NCAN: variants seen among roughly 807,000 people sequenced by gnomAD.
The protein encoded by NCAN is neurocan.
Under a neutral mutation model 121.8 loss-of-function variants are expected in NCAN, and 47 were observed. That is an observed-to-expected ratio of 0.39 (90% CI 0.31 to 0.49). The LOEUF (loss-of-function observed/expected upper bound fraction) is 0.49, where lower values mean the gene tolerates loss of function less well. NCAN is among the 20% of genes least tolerant of loss of function. The pLI, the probability that NCAN is intolerant of heterozygous loss-of-function variation, is 0.92. For synonymous variants in NCAN, 633 were observed against 702.0 expected (o/e 0.90, Z 1.55); for missense variants, 1,517 against 1,773.4 (o/e 0.86, Z 2.60).
intron 11 of NCAN, among the ~76,000 whole-genome samples, chr19:19,240,320 G>C (rs992718160): frequency 6.6e-6 from 1 of 151,506 alleles, no homozygotes; most frequent in African/African-American, 2.4e-5. Context: ...CCACCTCCAG[G>C]CTGGGGAAGG....
In NCAN at chr19:19,228,392, G is replaced by A; in HGVS notation, c.2772G>A (p.Gly924=). 1 of 1,613,764 alleles carries A rather than the reference G, an allele frequency of 6.2e-7. No individual in the cohort carries two copies. The highest frequency in any genetic ancestry group is 8.5e-7 in the Non-Finnish European group (1 of 1,180,022). The change falls in exon 8 of 15, where the codon GGG becomes GGA. Residue 924 remains glycine (G), a synonymous_variant. Transcript: ENST00000252575. ...SVPPHQSSPL[G]KPAVPPGTPT... ...CTCCGCATCAGAGCAGTCCCCTAGGGAAACCGGCTGTTCCTCCTGGGACAC... is the reference window on the plus strand; with the variant it reads ...CTCCGCATCAGAGCAGTCCCCTAGGAAAACCGGCTGTTCCTCCTGGGACAC...
rs1002419776 is a variant in NCAN at position 19,212,068 on chromosome 19, G to C, written c.-8+4G>C. Reference sequence around the variant, plus strand: ...ATGCGTCCGAGCTAGGAGCCAGGTGGGGGATCCGTGAGGGGGCCGTGTTGC... The same window carrying C: ...ATGCGTCCGAGCTAGGAGCCAGGTGCGGGATCCGTGAGGGGGCCGTGTTGC... On this transcript the variant is annotated splice_donor_region_variant and intron_variant, in intron 1 of 14. Transcript: ENST00000252575. The surrounding 1 kb of genome is among the most constrained non-coding windows in gnomAD (Gnocchi z 4.5). 4.9e-6 allele frequency: 1 copy of C among 204,548 alleles called. No homozygotes were observed. Among genetic ancestry groups the C allele is most frequent in the African/African-American group, 2.4e-5 (1 of 41,836 alleles). 12.7% of individuals were successfully genotyped at this position (204,548 alleles called of 1,614,324 possible).
rs1216717769 is a variant in NCAN, at chr19:19,225,332, T to G, written c.1072+62T>G. On this transcript the variant is annotated intron_variant, in intron 6 of 14. Coordinates refer to ENST00000252575, the MANE Select transcript of NCAN (RefSeq NM_004386.3). This position sits in a 1 kb window ranked among gnomAD's most constrained non-coding sequence, Gnocchi z 4.0. ...TTCACTTTGGCGAAGGCCACGTCCC[T>G]GAAAGCCTCGCCAAGCCAAGGGAGA... The G allele has an allele frequency of 6.2e-6, 9 of 1,445,154 alleles. No individual in the cohort carries two copies. In the Middle Eastern group the frequency reaches 9.2e-4, roughly 147 times the overall value. The allele number at this position is 1,445,154 out of a possible 1,614,324, so 89.5% of individuals were successfully genotyped here.
At chr19:19,223,895 A>C in intron 3 of NCAN, 126 bp from the exon 4 acceptor site, 1 of 952,052 alleles carries the variant, frequency 1.1e-6, no homozygotes, top group Non-Finnish European at 1.4e-6. Context: ...CTCGACCCAC[A>C]CTGTGCCTGG....
intron 3 of NCAN, among the ~76,000 whole-genome samples, chr19:19,223,598 T>C (rs2060824526): frequency 6.6e-6 from 1 of 151,974 alleles, no homozygotes; most frequent in Non-Finnish European, 1.5e-5. Context: ...TCAGCCGCCC[T>C]AGTAGCTGGG....
At position 19,240,657 on chromosome 19, in the gene NCAN, A is replaced by C. The variant is rs755692070; in HGVS notation, c.3464A>C (p.Asp1155Ala). 49 of 1,613,922 alleles carry C rather than the reference A, an allele frequency of 3.0e-5. No individual in the cohort carries two copies. Among genetic ancestry groups the C allele is most frequent in the Non-Finnish European group, 2.6e-5 (31 of 1,180,028 alleles). ...CTGAACGACAGGATCGTGGAGAGAG[A>C]TTTCCAGTGGACGGACAACACCGGG... is the stretch of plus-strand genomic sequence containing the variant. ...IGLNDRIVER[D>A]FQWTDNTGLQ... Residue 1155 changes from aspartate (D) to alanine (A), a missense_variant, in exon 12 of 15, where the codon GAT (aspartate) becomes GCT (alanine). Physicochemically the swap from Asp to Ala is moderately radical, Grantham distance 126. Transcript: ENST00000252575.
intron 1 of NCAN, among the ~76,000 whole-genome samples, chr19:19,213,547 C>T (rs1212642496): frequency 6.8e-6 from 1 of 147,658 alleles, no homozygotes; most frequent in Non-Finnish European, 1.5e-5. Context: ...TGTCTTTGTG[C>T]AGAAGACACG....
intron 5 of NCAN, among the ~76,000 whole-genome samples, 160 bp downstream of exon 5, chr19:19,224,593 A>G (rs1391404921): frequency 6.6e-6 from 1 of 150,804 alleles, no homozygotes; most frequent in Non-Finnish European, 1.5e-5. Flanking sequence ...TGAGCTTTCC[A>G]TGCCTCCCTG....
rs774053112 is a variant in NCAN at position 19,219,046 on chromosome 19, G to A, written c.205G>A (p.Ala69Thr). 5.0e-6 allele frequency: 8 copies of A among 1,611,838 alleles called. No individual in the cohort carries two copies. The highest frequency in any genetic ancestry group is 2.2e-5 in the East Asian group (1 of 44,854). The change falls in exon 3 of 15, where the codon GCA becomes ACA. Residue 69 changes from alanine to threonine, a missense_variant. Coordinates refer to ENST00000252575, the MANE Select transcript of NCAN (RefSeq NM_004386.3). ...CTTTACCCTGCAGCCACGGCCAAGC[G>A]CAGCCCGAGATGCCCCTCGGATAAA... ...CLFTLQPRPS[A>T]ARDAPRIKWT...
chr19:19,226,690 A>C lies in NCAN; in HGVS notation c.1277A>C (p.Gln426Pro), dbSNP rs754935511. The C allele has an allele frequency of 1.2e-6, 2 of 1,613,358 alleles. No individual in the cohort carries two copies. Among genetic ancestry groups the C allele is most frequent in the Admixed American group, 3.3e-5 (2 of 60,000 alleles). ...ATTTTGGAGGAGAAGCAGGAGTCTC[A>C]ACAGACCCTCAGCCCTACCCCTGGG... ...TLILEEKQES[Q>P]QTLSPTPGDP... The change falls in exon 7 of 15, where the codon CAA becomes CCA. Residue 426 changes from glutamine to proline, a missense_variant. Physicochemically the swap from Gln to Pro is moderately conservative, Grantham distance 76. Coordinates refer to ENST00000252575, the MANE Select transcript of NCAN (RefSeq NM_004386.3).
chr19:19,222,053 C>T (rs2060818700), intron 3 of NCAN, among the ~76,000 whole-genome samples: 1 of 152,148 alleles, frequency 6.6e-6, no homozygotes, highest in South Asian at 2.1e-4. Context: ...TGACCTTGGG[C>T]AAGTCCCTGA....
chr19:19,224,618 C>T (rs1281466088), intron 5 of NCAN, among the ~76,000 whole-genome samples, 185 bp downstream of exon 5: 1 of 151,542 alleles, frequency 6.6e-6, no homozygotes, highest in African/African-American at 2.4e-5. Context: ...CCCCTCCCTC[C>T]CTTTGCCCCC....
At chr19:19,223,133 A>T (rs2060822849) in intron 3 of NCAN, among the ~76,000 whole-genome samples, 1 of 151,494 alleles carries the variant, frequency 6.6e-6, no homozygotes, top group Non-Finnish European at 1.5e-5. Flanking sequence ...TAAAATAAAT[A>T]AAATAAAAAA....
chr19:19,239,820 CA>C (rs1599821042), intron 11 of NCAN, among the ~76,000 whole-genome samples: 1 of 138,542 alleles, frequency 7.2e-6, no homozygotes, highest in Non-Finnish European at 1.6e-5. Context: ...TTCTCCTCCC[CA>C]TTCATCTCCC....
At position 19,244,348 on chromosome 19, in the gene NCAN, A is replaced by G. The variant is rs1221476621; in HGVS notation, c.3493-965A>G. Among the ~76,000 whole-genome samples, 4 of 132,622 alleles carry G rather than the reference A, an allele frequency of 3.0e-5. No homozygotes were observed. In the East Asian group the frequency reaches 8.9e-4, roughly 30 times the overall value. 87.0% of individuals were successfully genotyped at this position (132,622 alleles called of 152,430 possible). A position where few individuals can be genotyped will look rare whatever the true frequency, so the allele number is the denominator to read the frequency against. Reference sequence around the variant, plus strand: ...TTTTGAGATAGAATCTCACTCCATCACCCGGGCTGGAGTTCAGTGATGCAA... The same window carrying G: ...TTTTGAGATAGAATCTCACTCCATCGCCCGGGCTGGAGTTCAGTGATGCAA... On this transcript the variant is annotated intron_variant, in intron 12 of 14. Transcript: ENST00000252575.
chr19:19,231,293 C>G (rs2060858505), intron 8 of NCAN, among the ~76,000 whole-genome samples: 1 of 150,650 alleles, frequency 6.6e-6, no homozygotes, highest in East Asian at 2.0e-4. Flanking sequence ...AGTGTCAAGG[C>G]TGGGGTTTGA....
chr19:19,213,925 C>T lies in NCAN; in HGVS notation c.-8+1861C>T, dbSNP rs142646065. Reference sequence around the variant, plus strand: ...CTCAGGTCAGAAACACACACATGTGCGCACAGCCCCCTGCTGAGGGTCACT... The same window carrying T: ...CTCAGGTCAGAAACACACACATGTGTGCACAGCCCCCTGCTGAGGGTCACT... On this transcript the variant is annotated intron_variant, in intron 1 of 14. Transcript: ENST00000252575. Among the ~76,000 whole-genome samples the T allele has an allele frequency of 4.0e-3, 614 of 152,278 alleles. 4 individuals are homozygous for T. Among genetic ancestry groups the T allele is most frequent in the Middle Eastern group, 0.014 (4 of 294 alleles).
chr19:19,240,620 A>T lies in NCAN; in HGVS notation c.3427A>T (p.Thr1143Ser). 5.0e-6 allele frequency: 8 copies of T among 1,614,080 alleles called. No homozygotes were observed. The highest frequency in any genetic ancestry group is 1.3e-5 in the African/African-American group (1 of 75,070). The change falls in exon 12 of 15, where the codon ACG (threonine) becomes TCG (serine). Residue 1143 changes from threonine to serine, a missense_variant. Transcript: ENST00000252575. ...SFINSFGHEN[T>S]WIGLNDRIVE... ...CCCTGCAGGCTTTGGGCATGAAAAC[A>T]CGTGGATCGGCCTGAACGACAGGAT...
intron 3 of NCAN, among the ~76,000 whole-genome samples, chr19:19,220,450 CT>C (rs71170607): frequency 0.24 from 17,190 of 71,474 alleles, 268 homozygotes; most frequent in African/African-American, 0.3. Context: ...TTAGGCAATT[CT>C]TTTTTTTTTT....
Sources: gnomAD v4.1 joint callset for allele counts (sites outside exome capture counted in the v4.1 genomes callset) on GRCh38, gnomAD v4.1.1 for gene constraint, Gnocchi (gnomAD v3.1) non-coding constraint, MANE v1.5 for transcripts, NCBI Gene and HGNC (gene_info 2026-07-23, HGNC 2026-07-21) for gene names.